Variants in GAB2 observed in about 807,000 individuals in gnomAD.
GAB2 encodes the protein GRB2-associated-binding protein 2.
In GAB2, 26 loss-of-function variants were observed where a neutral mutation model predicts 65.5. The observed-to-expected ratio is 0.40, with a 90% CI of 0.29 to 0.55. The LOEUF is 0.55. Among genes scored for constraint, GAB2 ranks in the 20% least tolerant of loss-of-function variants. GAB2 has a pLI of 0.53. For missense variants in GAB2, 884 were observed against 875.8 expected, an observed-to-expected ratio of 1.01 and a Z score of -0.12; for synonymous variants, 321 against 329.6, an observed-to-expected ratio of 0.97 and a Z score of 0.28.
chr11:78,382,180 A>G (rs1185792625), intron 1 of GAB2, among the ~76,000 whole-genome samples: 1 of 152,014 alleles, frequency 6.6e-6, no homozygotes, highest in Non-Finnish European at 1.5e-5. Context: ...CTGTGCTCTC[A>G]TGGCACTTTG....
At chr11:78,262,683 C>T (rs1246629571) in intron 2 of GAB2, among the ~76,000 whole-genome samples, 1 of 152,216 alleles carries the variant, frequency 6.6e-6, no homozygotes, top group African/African-American at 2.4e-5. Flanking sequence ...CTACTCATCT[C>T]CCAGACTTGT....
At chr11:78,394,196 G>A (rs973638492) in intron 1 of GAB2, among the ~76,000 whole-genome samples, 2 of 152,220 alleles carry the variant, frequency 1.3e-5, no homozygotes, top group African/African-American at 4.8e-5. Context: ...GCTGAGGCAG[G>A]AGAATGGCGT....
At position 78,271,993 on chromosome 11, in the gene GAB2, T is replaced by G. The variant is rs554894583; in HGVS notation, c.376+8608A>C. Among the ~76,000 whole-genome samples the G allele has an allele frequency of 3.3e-5, 5 of 152,382 alleles. No homozygotes were observed. The South Asian group carries it at 1.0e-3, about 32-fold the overall frequency. The stretch of plus-strand genomic sequence containing the variant: ...GTTCCCCTGCACAAGCTCTCTCTCT[T>G]GGCCTGCTGCCATCCACGTAAGACA... On this transcript the variant is annotated intron_variant, in intron 2 of 9. Coordinates refer to ENST00000361507, the MANE Select transcript of GAB2 (RefSeq NM_080491.3).
At chr11:78,220,527 A>G (rs1864371544) in intron 8 of GAB2, 83 bp from the exon 9 acceptor site, 1 of 1,243,388 alleles carries the variant, frequency 8.0e-7, no homozygotes. Context: ...GGGAGTAAGA[A>G]CACTGTTTCC....
intron 2 of GAB2, among the ~76,000 whole-genome samples, chr11:78,264,568 T>C (rs1264047465): frequency 1.4e-5 from 2 of 145,284 alleles, no homozygotes; most frequent in East Asian, 4.7e-4. Flanking sequence ...GCCCAGCTAA[T>C]TTTTGTATTT....
intron 1 of GAB2, among the ~76,000 whole-genome samples, chr11:78,323,188 G>A (rs905447538): frequency 1.3e-5 from 2 of 152,184 alleles, no homozygotes; most frequent in South Asian, 2.1e-4. Context: ...GCAGCTGGAG[G>A]TCATTATTCT....
chr11:78,219,174 A>G lies in GAB2; in HGVS notation c.*98T>C, dbSNP rs180972993. The G allele has an allele frequency of 3.7e-3, 4,153 of 1,127,162 alleles. 13 individuals are homozygous for G. Among genetic ancestry groups the G allele is most frequent in the Non-Finnish European group, 4.5e-3 (3,452 of 768,214 alleles). The allele number at this position is 1,127,162 out of a possible 1,614,324, so 69.8% of individuals were successfully genotyped here. On this transcript the variant is annotated 3_prime_UTR_variant, in exon 10 of 10. Transcript: ENST00000361507. ...GAAGGCTGAGACTGGCAGAGTAGAG[A>G]GGAGGTGGATGGGAGGAAGAACGGG...
intron 1 of GAB2, among the ~76,000 whole-genome samples, chr11:78,354,450 T>C (rs1002972087): frequency 2.6e-5 from 4 of 152,054 alleles, no homozygotes; most frequent in East Asian, 1.9e-4. Flanking sequence ...TATATATATA[T>C]ACATACAGAA....
intron 1 of GAB2, among the ~76,000 whole-genome samples, chr11:78,310,411 G>C (rs931127339): frequency 6.6e-6 from 1 of 151,188 alleles, no homozygotes; most frequent in Non-Finnish European, 1.5e-5. Flanking sequence ...TACTCGGGAG[G>C]CTGAGGCAGG....
intron 2 of GAB2, among the ~76,000 whole-genome samples, chr11:78,266,723 G>C (rs1425586470): frequency 6.6e-6 from 1 of 152,180 alleles, no homozygotes; most frequent in African/African-American, 2.4e-5. Context: ...AGGAGGCAGA[G>C]AGAATCACTA....
intron 1 of GAB2, among the ~76,000 whole-genome samples, chr11:78,369,319 T>C (rs570243616): frequency 1.3e-5 from 2 of 152,302 alleles, no homozygotes; most frequent in East Asian, 3.9e-4. Flanking sequence ...ACAGTGTATA[T>C]AAACTTAATG....
chr11:78,304,558 G>A (rs570933807), intron 1 of GAB2, among the ~76,000 whole-genome samples: 1 of 152,260 alleles, frequency 6.6e-6, no homozygotes, highest in East Asian at 1.9e-4. Context: ...TATTTTTCCT[G>A]AAGTTTCTTA....
At chr11:78,342,044 AATT>A (rs1198340874) in intron 1 of GAB2, among the ~76,000 whole-genome samples, 6 of 152,238 alleles carry the variant, frequency 3.9e-5, no homozygotes, top group African/African-American at 1.4e-4. Flanking sequence ...AAAACAATGA[AATT>A]ATTTATCTCC....
chr11:78,284,190 T>C (rs1032147285), intron 1 of GAB2, among the ~76,000 whole-genome samples: 5 of 152,160 alleles, frequency 3.3e-5, no homozygotes, highest in African/African-American at 1.2e-4. Context: ...CAAAAGCAAA[T>C]CCTGTCAGTT....
chr11:78,226,931 G>A lies in GAB2; in HGVS notation c.741C>T (p.Gly247=). 1 of 1,613,896 alleles carries A rather than the reference G, an allele frequency of 6.2e-7. No individual in the cohort carries two copies. Among genetic ancestry groups the A allele is most frequent in the South Asian group, 1.1e-5 (1 of 91,076 alleles). The change falls in exon 4 of 10, where the codon GGC becomes GGT. Residue 247 remains glycine, a synonymous_variant. Transcript: ENST00000361507. Reference sequence around the variant, plus strand: ...GGCTCGGCTTGGGAAGGCTATAGAAGCCATGGACTTGACCACTGATCCCGT... The same window carrying A: ...GGCTCGGCTTGGGAAGGCTATAGAAACCATGGACTTGACCACTGATCCCGT... ...CVNGISGQVH[G]FYSLPKPSRH...
At chr11:78,233,007 A>G (rs900444020) in intron 3 of GAB2, among the ~76,000 whole-genome samples, 12 of 150,288 alleles carry the variant, frequency 8.0e-5, no homozygotes, top group African/African-American at 3.0e-4. Context: ...ATTAAAGTCT[A>G]TTCATATACT....
At chr11:78,314,094 G>A (rs1855553394) in intron 1 of GAB2, among the ~76,000 whole-genome samples, 1 of 152,240 alleles carries the variant, frequency 6.6e-6, no homozygotes, top group African/African-American at 2.4e-5. Flanking sequence ...AAGGCCAGGA[G>A]GGGAAGTAAA....
intron 1 of GAB2, among the ~76,000 whole-genome samples, chr11:78,300,427 T>C (rs1243843436): frequency 6.6e-6 from 1 of 151,580 alleles, no homozygotes; most frequent in Non-Finnish European, 1.5e-5. Flanking sequence ...TGTACAAGTC[T>C]TTTTTGTGAG....
chr11:78,291,067 T>C (rs535801474), intron 1 of GAB2, among the ~76,000 whole-genome samples: 172 of 143,610 alleles, frequency 1.2e-3, no homozygotes, highest in Non-Finnish European at 2.1e-3. Flanking sequence ...TAAAACTGCT[T>C]AGAAAAAGAA....
Sources: gnomAD v4.1 joint callset for allele counts (sites outside exome capture counted in the v4.1 genomes callset) on GRCh38, gnomAD v4.1.1 for gene constraint, MANE v1.5 for transcripts, NCBI Gene and HGNC (gene_info 2026-07-23, HGNC 2026-07-21) for gene names.